BTBD9: variants seen among roughly 807,000 people sequenced by gnomAD.
BTBD9 encodes BTB domain containing 9.
Under a neutral mutation model 64.3 loss-of-function variants are expected in BTBD9, and 49 were observed. The observed-to-expected ratio is 0.76, with a 90% CI of 0.61 to 0.97. The LOEUF is 0.97. Among genes scored for constraint, BTBD9 ranks in the 50% least tolerant of loss-of-function variants. BTBD9 has a pLI of 0.00. For missense variants in BTBD9, 598 were observed against 762.1 expected, an observed-to-expected ratio of 0.78 and a Z score of 2.53; for synonymous variants, 260 against 274.7, an observed-to-expected ratio of 0.95 and a Z score of 0.53.
intron 7 of BTBD9, among the ~76,000 whole-genome samples, chr6:38,314,022 T>A (rs1336338936): frequency 1.3e-5 from 2 of 151,942 alleles, no homozygotes; most frequent in African/African-American, 4.8e-5. Context: ...ATTATAGGTG[T>A]GAGCCACTGT....
At chr6:38,257,376 A>T (rs536115892) in intron 8 of BTBD9, among the ~76,000 whole-genome samples, 55 of 150,486 alleles carry the variant, frequency 3.7e-4, no homozygotes, top group Admixed American at 7.9e-4. Flanking sequence ...TTTAAATTTT[A>T]TGTAGAGTCA....
intron 1 of BTBD9, among the ~76,000 whole-genome samples, chr6:38,611,828 T>C (rs1777627359): frequency 1.3e-5 from 2 of 152,234 alleles, no homozygotes; most frequent in Admixed American, 6.5e-5. Context: ...ACCAAGGTTA[T>C]ACTCCCTTAT....
intron 9 of BTBD9, among the ~76,000 whole-genome samples, chr6:38,227,514 C>T (rs1763439591): frequency 6.6e-6 from 1 of 152,172 alleles, no homozygotes; most frequent in African/African-American, 2.4e-5. Context: ...TCCCTTCCGC[C>T]TGATGAGGCT....
intron 6 of BTBD9, among the ~76,000 whole-genome samples, chr6:38,404,025 T>C (rs2127242990): frequency 6.6e-6 from 1 of 152,242 alleles, no homozygotes; most frequent in Non-Finnish European, 1.5e-5. Context: ...ATGTCCAGAA[T>C]ACACAAATCC....
At chr6:38,400,539 C>T (rs1159191320) in intron 6 of BTBD9, among the ~76,000 whole-genome samples, 1 of 152,188 alleles carries the variant, frequency 6.6e-6, no homozygotes, top group Non-Finnish European at 1.5e-5. Context: ...AGCCTTCTTT[C>T]CTCCGCCTTT....
At chr6:38,217,251 A>G (rs1582065577) in intron 9 of BTBD9, among the ~76,000 whole-genome samples, 2 of 146,050 alleles carry the variant, frequency 1.4e-5, no homozygotes, top group East Asian at 4.3e-4. Context: ...CCCGGGAGGC[A>G]GAGGTTGCAG....
intron 8 of BTBD9, among the ~76,000 whole-genome samples, chr6:38,269,079 T>C (rs1765115321): frequency 6.6e-6 from 1 of 152,228 alleles, no homozygotes; most frequent in South Asian, 2.1e-4. Flanking sequence ...GCAAGTGCTA[T>C]ACAATTTAAA....
intron 6 of BTBD9, among the ~76,000 whole-genome samples, chr6:38,373,017 G>A (rs115679787): frequency 2.6e-5 from 4 of 152,014 alleles, no homozygotes; most frequent in African/African-American, 9.7e-5. Context: ...CCTTTTATTG[G>A]TTTTTCTGCA....
Position 38,292,147 on chromosome 6 carries a change from A to C in BTBD9, c.1265-3686T>G, listed in dbSNP as rs149184076. ...TGGCTAATTTTTTTGTATTTTTAGT[A>C]GACACGGGGTTTCACCTTGTTGGTC... On this transcript the variant is annotated intron_variant, in intron 7 of 10. Transcript: ENST00000481247. Among the ~76,000 whole-genome samples, 46 of 151,754 alleles carry C rather than the reference A, an allele frequency of 3.0e-4. No individual in the cohort carries two copies. The East Asian group carries it at 7.9e-3, about 26-fold the overall frequency.
At chr6:38,450,379 C>T (rs1198849137) in intron 6 of BTBD9, among the ~76,000 whole-genome samples, 4 of 152,090 alleles carry the variant, frequency 2.6e-5, no homozygotes, top group Non-Finnish European at 2.9e-5. Flanking sequence ...TGACGATTTA[C>T]GGCATTCTTG....
intron 4 of BTBD9, chr6:38,588,204 G>C: frequency 2.3e-6 from 2 of 852,718 alleles, no homozygotes; most frequent in Non-Finnish European, 4.1e-6. Context: ...GCAGTTCCAA[G>C]GATATGGCCA....
chr6:38,310,521 T>C (rs1238120436), intron 7 of BTBD9, among the ~76,000 whole-genome samples: 2 of 152,214 alleles, frequency 1.3e-5, no homozygotes, highest in African/African-American at 4.8e-5. Context: ...TGTTTTTCAG[T>C]AGACTTAACT....
chr6:38,607,968 C>G (rs1777486694), intron 1 of BTBD9, among the ~76,000 whole-genome samples: 1 of 152,078 alleles, frequency 6.6e-6, no homozygotes, highest in African/African-American at 2.4e-5. Context: ...TTTAAATTCC[C>G]CCAAATCCTG....
intron 9 of BTBD9, among the ~76,000 whole-genome samples, chr6:38,199,517 A>C (rs958108892): frequency 5.3e-5 from 8 of 152,210 alleles, no homozygotes; most frequent in Non-Finnish European, 1.2e-4. Flanking sequence ...TTATGTTCTA[A>C]TGGGAAGGAG....
intron 6 of BTBD9, among the ~76,000 whole-genome samples, chr6:38,523,460 T>C (rs1041505732): frequency 1.2e-4 from 18 of 151,970 alleles, no homozygotes; most frequent in Admixed American, 1.1e-3. Flanking sequence ...TCTCTGAGAG[T>C]TGGGCCAAAG....
At chr6:38,338,034 G>A (rs1017998923) in intron 7 of BTBD9, among the ~76,000 whole-genome samples, 11 of 152,134 alleles carry the variant, frequency 7.2e-5, no homozygotes, top group South Asian at 4.2e-4. Flanking sequence ...TAAGTGTACC[G>A]ACAGCTTCAG....
intron 6 of BTBD9, among the ~76,000 whole-genome samples, chr6:38,538,312 T>TG (rs1338026469): frequency 6.6e-6 from 1 of 152,102 alleles, no homozygotes; most frequent in Non-Finnish European, 1.5e-5. Flanking sequence ...CAAATTACTT[T>TG]GGGGAAATTA....
At chr6:38,354,578 G>C (rs1562066914) in intron 6 of BTBD9, among the ~76,000 whole-genome samples, 1 of 152,074 alleles carries the variant, frequency 6.6e-6, no homozygotes, top group Non-Finnish European at 1.5e-5. Flanking sequence ...AGAACTACTT[G>C]AAATGTATTG....
chr6:38,367,121 T>G (rs1765213445), intron 6 of BTBD9, among the ~76,000 whole-genome samples: 1 of 152,232 alleles, frequency 6.6e-6, no homozygotes, highest in Non-Finnish European at 1.5e-5. Flanking sequence ...TCTGACTTAA[T>G]GAACCACAGT....
Sources: allele counts gnomAD v4.1 joint callset (sites outside exome capture counted in the v4.1 genomes callset), GRCh38; gene constraint gnomAD v4.1.1; transcripts MANE v1.5; gene names NCBI Gene and HGNC (gene_info 2026-07-23, HGNC 2026-07-21).